ABCG2: variants seen among roughly 807,000 people sequenced by gnomAD.
ABCG2 encodes the protein broad substrate specificity ATP-binding cassette transporter ABCG2.
A neutral mutation model predicts 73.5 loss-of-function variants in ABCG2; 80 were observed. The observed-to-expected ratio is 1.09, with a 90% confidence interval of 0.91 to 1.31. The LOEUF (loss-of-function observed/expected upper bound fraction) is 1.31. Ranked by LOEUF, ABCG2 falls within the 50% of genes most tolerant of loss-of-function variation. ABCG2 has a pLI of 0.00. For synonymous variants in ABCG2, 269 were observed against 282.4 expected, an observed-to-expected ratio of 0.95 and a Z score of 0.48; for missense variants, 796 against 786.2, an observed-to-expected ratio of 1.01 and a Z score of -0.15.
At chr4:88,147,194 G>C (rs1726115419) in intron 1 of ABCG2, among the ~76,000 whole-genome samples, 2 of 152,148 alleles carry the variant, frequency 1.3e-5, no homozygotes, top group South Asian at 4.1e-4. Flanking sequence ...GTCCCAAAGA[G>C]CCTGGCACTA....
intron 6 of ABCG2, among the ~76,000 whole-genome samples, chr4:88,120,154 T>C (rs919537995): frequency 6.6e-6 from 1 of 152,166 alleles, no homozygotes; most frequent in African/African-American, 2.4e-5. Flanking sequence ...AGCTTCCATG[T>C]GGTGTTAGGC....
At chr4:88,116,911 AAAG>A (rs1447692809) in intron 7 of ABCG2, among the ~76,000 whole-genome samples, 2 of 152,246 alleles carry the variant, frequency 1.3e-5, no homozygotes, top group Non-Finnish European at 2.9e-5. Flanking sequence ...TTTGAAATAA[AAAG>A]AACCATGCTG....
chr4:88,177,354 C>T (rs1292481219), intron 1 of ABCG2, among the ~76,000 whole-genome samples: 2 of 149,264 alleles, frequency 1.3e-5, no homozygotes, highest in African/African-American at 4.9e-5. Context: ...GCCTGGGCGA[C>T]AGAGCGAGAC....
chr4:88,208,907 T>G lies in ABCG2; in HGVS notation c.-20+22087A>C, dbSNP rs369189389. Among the ~76,000 whole-genome samples, 154 of 152,240 alleles carry G rather than the reference T, an allele frequency of 1.0e-3. 6 individuals carry two copies. The South Asian group carries it at 0.029, about 29-fold the overall frequency. On this transcript the variant is annotated intron_variant, in intron 1 of 15. Transcript: ENST00000515655. ...ACATTTGAAATTGGACTGACAAAAT[T>G]GGTCTTAACCAATTAACCTGGGAGG...
At chr4:88,218,919 A>C (rs1432839117) in intron 1 of ABCG2, among the ~76,000 whole-genome samples, 1 of 151,856 alleles carries the variant, frequency 6.6e-6, no homozygotes, top group Non-Finnish European at 1.5e-5. Context: ...TTTTCCAATC[A>C]CTCTATATTG....
At chr4:88,184,896 A>T (rs1728389317) in intron 1 of ABCG2, among the ~76,000 whole-genome samples, 1 of 152,236 alleles carries the variant, frequency 6.6e-6, no homozygotes, top group African/African-American at 2.4e-5. Flanking sequence ...AATTCCATAC[A>T]TCTACAGTGA....
intron 1 of ABCG2, among the ~76,000 whole-genome samples, chr4:88,153,874 TGAG>T (rs1726729538): frequency 6.6e-6 from 1 of 152,120 alleles, no homozygotes; most frequent in African/African-American, 2.4e-5. Flanking sequence ...GAGAAATTCC[TGAG>T]GAGTAGTAGA....
chr4:88,122,726 G>A (rs1724095973), intron 5 of ABCG2, among the ~76,000 whole-genome samples: 1 of 152,228 alleles, frequency 6.6e-6, no homozygotes, highest in Non-Finnish European at 1.5e-5. Flanking sequence ...AGGGGAGGCT[G>A]TGGGCACAGC....
At chr4:88,122,780 CAG>C (rs757820376) in intron 5 of ABCG2, among the ~76,000 whole-genome samples, 13 of 152,226 alleles carry the variant, frequency 8.5e-5, no homozygotes, top group Non-Finnish European at 1.6e-4. Flanking sequence ...TTGAAGACAG[CAG>C]TGAATCTCCC....
At position 88,132,517 on chromosome 4, in the gene ABCG2, C is replaced by G. The variant is rs377041059; in HGVS notation, c.263+59G>C. On this transcript the variant is annotated intron_variant, in intron 3 of 15. Coordinates refer to ENST00000237612, the MANE Select transcript of ABCG2 (RefSeq NM_004827.3). Reference sequence around the variant, plus strand: ...CCTGCTCGCACACAAAAAAAAGTGGCTTTTAAAAGCACATTAAAAGTGCAC... The same window carrying G: ...CCTGCTCGCACACAAAAAAAAGTGGGTTTTAAAAGCACATTAAAAGTGCAC... The G allele has an allele frequency of 1.3e-5, 20 of 1,585,788 alleles. No homozygotes were observed. In the African/African-American group the frequency reaches 2.6e-4, roughly 20 times the overall value.
At chr4:88,217,030 CAA>C (rs551466632) in intron 1 of ABCG2, among the ~76,000 whole-genome samples, 3 of 134,748 alleles carry the variant, frequency 2.2e-5, no homozygotes, top group Non-Finnish European at 4.8e-5. Context: ...GACTCCGTCT[CAA>C]AAAAAAAAAA....
At chr4:88,156,687 C>G (rs531325944) in intron 1 of ABCG2, among the ~76,000 whole-genome samples, 10 of 152,220 alleles carry the variant, frequency 6.6e-5, no homozygotes, top group African/African-American at 2.4e-4. Flanking sequence ...CGCTAAACAA[C>G]ATGTTCCACA....
rs574709965 is a variant in ABCG2 at position 88,091,965 on chromosome 4, C to A, written c.*269G>T. 17 of 280,392 alleles carry A rather than the reference C, an allele frequency of 6.1e-5. No homozygotes were observed. The South Asian group carries it at 6.8e-4, about 11-fold the overall frequency. The allele number at this position is 280,392 out of a possible 1,614,324, so 17.4% of individuals were successfully genotyped here. ...CAGGAGTTTCCAGAATTCAATTCTCCTTTTTTAGATTAATAAATTAGACCA... is the reference window on the plus strand; with the variant it reads ...CAGGAGTTTCCAGAATTCAATTCTCATTTTTTAGATTAATAAATTAGACCA... On this transcript the variant is annotated 3_prime_UTR_variant, in exon 16 of 16. Transcript: ENST00000237612.
At chr4:88,106,514 A>G (rs1310194069) in intron 10 of ABCG2, among the ~76,000 whole-genome samples, 1 of 152,234 alleles carries the variant, frequency 6.6e-6, no homozygotes, top group African/African-American at 2.4e-5. Context: ...TCAGTTACCA[A>G]AGAATATCTA....
chr4:88,212,277 T>G (rs189309493), intron 1 of ABCG2, among the ~76,000 whole-genome samples: 1 of 152,202 alleles, frequency 6.6e-6, no homozygotes, highest in African/African-American at 2.4e-5. Flanking sequence ...CAGCTTTGAA[T>G]TTCATGTCAT....
chr4:88,095,543 T>G lies in ABCG2; in HGVS notation c.1714A>C (p.Ser572Arg), dbSNP rs200894058. ...ASWLSWLQYFSIPRYGFTALQ... is the reference protein window; with the variant it reads ...ASWLSWLQYFRIPRYGFTALQ... ...ACCGTAAATCCATATCGTGGAATGC[T>G]GAAGTACTGAAGCCATGACAGCCAA... The change falls in exon 14 of 16, where the codon AGC becomes CGC. Residue 572 changes from serine to arginine, a missense_variant. Coordinates refer to ENST00000237612, the MANE Select transcript of ABCG2 (RefSeq NM_004827.3). The G allele has an allele frequency of 1.0e-4, 164 of 1,613,452 alleles. No individual in the cohort carries two copies. The highest frequency in any genetic ancestry group is 1.3e-4 in the Non-Finnish European group (151 of 1,179,598).
intron 5 of ABCG2, among the ~76,000 whole-genome samples, chr4:88,125,496 T>C (rs1457307692): frequency 1.3e-5 from 2 of 148,256 alleles, no homozygotes; most frequent in Admixed American, 6.9e-5. Flanking sequence ...TAGTCCCAGC[T>C]ACTTGGGAGG....
At chr4:88,140,077 GACAAT>G (rs1725524933) in intron 1 of ABCG2, 63 bp from the exon 2 acceptor site, 1 of 1,358,478 alleles carries the variant, frequency 7.4e-7, no homozygotes, top group Non-Finnish European at 1.0e-6. Flanking sequence ...AACACTAGGT[GACAAT>G]ACATTTAAAA....
At chr4:88,185,528 A>G (rs78001871) in intron 1 of ABCG2, among the ~76,000 whole-genome samples, 4,878 of 152,286 alleles carry the variant, frequency 0.032, 151 homozygotes, top group Admixed American at 0.061. Flanking sequence ...ACTTCTGCAC[A>G]GCTAAGAAAA....
Sources: gnomAD v4.1 joint callset for allele counts (sites outside exome capture counted in the v4.1 genomes callset) on GRCh38, gnomAD v4.1.1 for gene constraint, MANE v1.5 for transcripts, NCBI Gene and HGNC (gene_info 2026-07-23, HGNC 2026-07-21) for gene names.